The following TET3 variants were observed in gnomAD, a reference collection of about 807,000 sequenced individuals.
TET3 encodes tet methylcytosine dioxygenase 3, also known as methylcytosine dioxygenase TET3.
In TET3, 19 loss-of-function variants were observed where a neutral mutation model predicts 141.4. The ratio of observed to expected loss-of-function variants is 0.13; its 90% CI spans 0.09 to 0.20. The LOEUF (loss-of-function observed/expected upper bound fraction) is 0.20. TET3 is among the 10% of genes least tolerant of loss of function. The pLI, the probability that TET3 is intolerant of heterozygous loss-of-function variation, is 1.00. For missense variants in TET3, 1,874 were observed against 2,356.9 expected (o/e 0.80, Z 4.24); for synonymous variants, 1,043 against 980.9 (o/e 1.06, Z -1.18).
At chr2:74,041,745 A>C (rs902068219) in intron 3 of TET3, among the ~76,000 whole-genome samples, 1 of 152,220 alleles carries the variant, frequency 6.6e-6, no homozygotes, top group Non-Finnish European at 1.5e-5. Flanking sequence ...GCCACATCAC[A>C]TCATACTGGG....
chr2:74,002,361 A>AT (rs1558700191), intron 2 of TET3, among the ~76,000 whole-genome samples: 1 of 147,464 alleles, frequency 6.8e-6, no homozygotes, highest in African/African-American at 2.5e-5. Context: ...CGAAGCGGGA[A>AT]TCCCCCCCCA....
chr2:74,127,528 A>T, the TET3 span, among the ~76,000 whole-genome samples: 2 of 152,172 alleles, frequency 1.3e-5, no homozygotes, highest in Non-Finnish European at 2.9e-5. Flanking sequence ...AACCAAACGA[A>T]TTGGAGACAG....
chr2:74,027,991 CTT>C (rs936974587), intron 3 of TET3, among the ~76,000 whole-genome samples: 2 of 149,898 alleles, frequency 1.3e-5, no homozygotes, highest in Non-Finnish European at 3.0e-5. Flanking sequence ...GTTTTTTTCA[CTT>C]TTTTTTTAAG....
chr2:74,058,643 A>G (rs1688338060), intron 4 of TET3, among the ~76,000 whole-genome samples: 1 of 152,138 alleles, frequency 6.6e-6, no homozygotes, highest in Non-Finnish European at 1.5e-5. Context: ...AAATACACAT[A>G]CAGGAAGATA....
At chr2:74,002,944 G>A in intron 2 of TET3, 166 bp from the exon 3 acceptor site, 1 of 661,838 alleles carries the variant, frequency 1.5e-6, no homozygotes, top group Non-Finnish European at 2.7e-6. Context: ...TGATCCAGGC[G>A]GCAGCTGGAG....
chr2:73,987,307 G>T (rs1446309466), intron 2 of TET3, among the ~76,000 whole-genome samples: 2 of 152,178 alleles, frequency 1.3e-5, no homozygotes, highest in African/African-American at 2.4e-5. Context: ...TCCTTGGCAG[G>T]TAGTAGGCAC....
At chr2:74,082,925 C>A (rs1425398788) in intron 6 of TET3, among the ~76,000 whole-genome samples, 1 of 152,176 alleles carries the variant, frequency 6.6e-6, no homozygotes, top group Non-Finnish European at 1.5e-5. Context: ...TCCAGTGTCT[C>A]CTGTGCATGT....
At chr2:74,096,521 C>G (rs1318973695) in intron 10 of TET3, among the ~76,000 whole-genome samples, 3 of 152,022 alleles carry the variant, frequency 2.0e-5, no homozygotes, top group African/African-American at 7.3e-5. Context: ...AATCCCAGCA[C>G]TTTGGGAGGC....
chr2:73,991,889 C>G (rs1214142037), intron 2 of TET3, among the ~76,000 whole-genome samples: 2 of 149,564 alleles, frequency 1.3e-5, no homozygotes, highest in Admixed American at 1.3e-4. Context: ...GTTGGTGGGA[C>G]TGGGGAAGGA....
chr2:74,051,235 GTTCGC>G (rs1025878259), intron 4 of TET3, among the ~76,000 whole-genome samples: 1 of 152,202 alleles, frequency 6.6e-6, no homozygotes, highest in African/African-American at 2.4e-5. Context: ...GAGGATACAT[GTTCGC>G]TTGTAGGCAG....
At chr2:74,014,754 C>T (rs374301702) in intron 3 of TET3, among the ~76,000 whole-genome samples, 13 of 152,254 alleles carry the variant, frequency 8.5e-5, no homozygotes, top group African/African-American at 3.1e-4. Flanking sequence ...GATGGCCTTG[C>T]TGAGCTGGTC....
the TET3 span, among the ~76,000 whole-genome samples, chr2:74,124,283 A>G: frequency 0.24 from 32,815 of 139,626 alleles, 4,175 homozygotes; most frequent in East Asian, 0.51. Context: ...GCCCCCGCCC[A>G]GCCAGCCACC....
At chr2:74,094,764 A>C (rs1181870029) in intron 10 of TET3, among the ~76,000 whole-genome samples, 1 of 152,056 alleles carries the variant, frequency 6.6e-6, no homozygotes, top group Non-Finnish European at 1.5e-5. Context: ...CTTGAGGAGC[A>C]CTCCAAGGCT....
chr2:74,007,268 C>G (rs1332955604), intron 3 of TET3, among the ~76,000 whole-genome samples: 1 of 152,142 alleles, frequency 6.6e-6, no homozygotes, highest in East Asian at 1.9e-4. Context: ...CCAGATGCAC[C>G]CAGCACTTTA....
intron 6 of TET3, among the ~76,000 whole-genome samples, chr2:74,086,763 C>T (rs1690180081): frequency 7.1e-6 from 1 of 141,296 alleles, no homozygotes; most frequent in South Asian, 2.2e-4. Context: ...TGTACTCCAG[C>T]CTGGGCAACA....
chr2:74,036,643 G>A (rs1369903717), intron 3 of TET3, among the ~76,000 whole-genome samples: 1 of 152,200 alleles, frequency 6.6e-6, no homozygotes, highest in Admixed American at 6.5e-5. Context: ...CCTTATCTCT[G>A]ATCTCCACCT....
At chr2:74,062,314 A>G (rs1187917138) in intron 4 of TET3, among the ~76,000 whole-genome samples, 2 of 152,398 alleles carry the variant, frequency 1.3e-5, no homozygotes. Flanking sequence ...TCTAGAGATG[A>G]ATCAAAATAA....
intron 4 of TET3, among the ~76,000 whole-genome samples, chr2:74,057,540 C>T (rs1688282015): frequency 6.6e-6 from 1 of 152,182 alleles, no homozygotes; most frequent in South Asian, 2.1e-4. Context: ...AAATTCTGCC[C>T]ACTCTATTTT....
chr2:74,084,032 C>T (rs1689976947), intron 6 of TET3, among the ~76,000 whole-genome samples: 1 of 152,214 alleles, frequency 6.6e-6, no homozygotes, highest in African/African-American at 2.4e-5. Context: ...AGAGTTCTAA[C>T]TCAGTATCTG....
Sources: allele counts gnomAD v4.1 joint callset (sites outside exome capture counted in the v4.1 genomes callset), GRCh38; gene constraint gnomAD v4.1.1; transcripts MANE v1.5; gene names NCBI Gene and HGNC (gene_info 2026-07-23, HGNC 2026-07-21).